SLC8A1: variants seen among roughly 807,000 people sequenced by gnomAD.
SLC8A1 encodes solute carrier family 8 member A1.
SLC8A1 carries 18 observed loss-of-function variants against 68.3 expected under a neutral mutation model. The observed-to-expected ratio is 0.26, with a 90% confidence interval of 0.18 to 0.39. The LOEUF (loss-of-function observed/expected upper bound fraction) is 0.39. SLC8A1 is among the 10% of genes least tolerant of loss of function. SLC8A1 has a pLI of 1.00. For synonymous variants in SLC8A1, 475 were observed against 415.5 expected, an observed-to-expected ratio of 1.14 and a Z score of -1.74; for missense variants, 985 against 1,156.7, an observed-to-expected ratio of 0.85 and a Z score of 2.15.
chr2:40,431,845 G>A (rs1398756353), intron 1 of SLC8A1, among the ~76,000 whole-genome samples: 1 of 152,058 alleles, frequency 6.6e-6, no homozygotes, highest in Non-Finnish European at 1.5e-5. Flanking sequence ...GTGCCCAGGA[G>A]AACACCGCTG....
At chr2:40,329,590 T>C (rs981155199) in intron 2 of SLC8A1, among the ~76,000 whole-genome samples, 4 of 152,338 alleles carry the variant, frequency 2.6e-5, no homozygotes, top group African/African-American at 9.6e-5. Context: ...ATGATTTTTC[T>C]TTCCAATCAG....
At chr2:40,361,093 A>C (rs908729307) in intron 2 of SLC8A1, among the ~76,000 whole-genome samples, 1 of 152,156 alleles carries the variant, frequency 6.6e-6, no homozygotes, top group Non-Finnish European at 1.5e-5. Flanking sequence ...AGGTGAAGAA[A>C]GGGACTTAGT....
chr2:40,146,203 C>T (rs916488583), intron 6 of SLC8A1, among the ~76,000 whole-genome samples: 3 of 152,252 alleles, frequency 2.0e-5, no homozygotes, highest in African/African-American at 4.8e-5. Context: ...CCAACTGAAA[C>T]GTGGGTCTTA....
chr2:40,339,549 C>A (rs1234500000), intron 2 of SLC8A1, among the ~76,000 whole-genome samples: 1 of 152,174 alleles, frequency 6.6e-6, no homozygotes, highest in Non-Finnish European at 1.5e-5. Context: ...AAGATAGTAA[C>A]TGAAGTACAA....
intron 1 of SLC8A1, among the ~76,000 whole-genome samples, chr2:40,506,104 CTTTTT>C (rs34231209): frequency 2.3e-5 from 3 of 132,158 alleles, no homozygotes; most frequent in Non-Finnish European, 1.7e-5. Flanking sequence ...TTCATAGATC[CTTTTT>C]TTTTTTTTTT....
At chr2:40,451,445 G>C (rs947016604) in intron 1 of SLC8A1, among the ~76,000 whole-genome samples, 3 of 152,204 alleles carry the variant, frequency 2.0e-5, no homozygotes, top group African/African-American at 7.2e-5. Flanking sequence ...CTTGGGGAAA[G>C]ACCCCAGGGA....
At chr2:40,420,094 A>G (rs968861023) in intron 2 of SLC8A1, among the ~76,000 whole-genome samples, 1 of 152,178 alleles carries the variant, frequency 6.6e-6, no homozygotes, top group African/African-American at 2.4e-5. Flanking sequence ...AGGATTCAGA[A>G]ATAAGAATGA....
At position 40,416,026 on chromosome 2, in the gene SLC8A1, G is replaced by A. The variant is rs115621364; in HGVS notation, c.1808+12447C>T. Among the ~76,000 whole-genome samples, 1,116 of 149,358 alleles carry A rather than the reference G, an allele frequency of 7.5e-3. 10 individuals carry two copies. Among genetic ancestry groups the A allele is most frequent in the African/African-American group, 0.026 (1,058 of 40,390 alleles). Reference sequence around the variant, plus strand: ...AGATCACGCCACTGCACTTAAGCCTGGGTGACAGATTGAGCGAGGCTCTGT... The same window carrying A: ...AGATCACGCCACTGCACTTAAGCCTAGGTGACAGATTGAGCGAGGCTCTGT... On this transcript the variant is annotated intron_variant, in intron 2 of 7. Coordinates refer to ENST00000406785, the Ensembl canonical transcript of SLC8A1.
At chr2:40,387,035 T>C (rs1271367945) in intron 2 of SLC8A1, among the ~76,000 whole-genome samples, 2 of 151,332 alleles carry the variant, frequency 1.3e-5, no homozygotes, top group Non-Finnish European at 2.9e-5. Context: ...AGAGATCAAA[T>C]TGTACATGAG....
At chr2:40,422,506 T>G (rs1228224434) in intron 2 of SLC8A1, among the ~76,000 whole-genome samples, 2 of 152,122 alleles carry the variant, frequency 1.3e-5, no homozygotes, top group Non-Finnish European at 2.9e-5. Context: ...CTTCCCTTGG[T>G]TAATGGTGTC....
chr2:40,214,643 T>A (rs2057170929), intron 2 of SLC8A1, among the ~76,000 whole-genome samples: 1 of 151,964 alleles, frequency 6.6e-6, no homozygotes, highest in South Asian at 2.1e-4. Context: ...GACACGGGGT[T>A]TCGCCAGGCT....
intron 2 of SLC8A1, among the ~76,000 whole-genome samples, chr2:40,425,490 G>A (rs888852902): frequency 2.6e-5 from 4 of 151,722 alleles, no homozygotes; most frequent in African/African-American, 9.7e-5. Flanking sequence ...TTAAATTTAG[G>A]CTTTTCCAGG....
At chr2:40,340,416 C>A (rs1013273946) in intron 2 of SLC8A1, among the ~76,000 whole-genome samples, 1 of 152,136 alleles carries the variant, frequency 6.6e-6, no homozygotes, top group African/African-American at 2.4e-5. Context: ...CAAAAATTAG[C>A]TGGGCATGGT....
At chr2:40,459,702 C>A (rs1703231417) in intron 1 of SLC8A1, among the ~76,000 whole-genome samples, 1 of 152,148 alleles carries the variant, frequency 6.6e-6, no homozygotes, top group African/African-American at 2.4e-5. Flanking sequence ...GGTGGGTGAA[C>A]CTCTTGCCAC....
upstream of SLC8A1, among the ~76,000 whole-genome samples, chr2:40,452,938 CCT>C (rs377359109): frequency 1.9e-4 from 29 of 152,184 alleles, no homozygotes; most frequent in East Asian, 5.4e-3. Context: ...TGGGAAAAAA[CCT>C]AATGCAGCAA....
chr2:40,373,062 C>G (rs1678669114), intron 2 of SLC8A1, among the ~76,000 whole-genome samples: 1 of 152,036 alleles, frequency 6.6e-6, no homozygotes. Context: ...ATGTCCTAGC[C>G]ATAAATTGAA....
intron 1 of SLC8A1, among the ~76,000 whole-genome samples, chr2:40,488,803 C>T (rs1264839000): frequency 1.3e-5 from 2 of 151,936 alleles, no homozygotes; most frequent in Non-Finnish European, 2.9e-5. Flanking sequence ...GTGTTTATGT[C>T]TTATAATTCT....
intron 7 of SLC8A1, among the ~76,000 whole-genome samples, chr2:40,126,223 G>A (rs1380223632): frequency 6.6e-6 from 1 of 152,178 alleles, no homozygotes. Flanking sequence ...AACTCTCAGG[G>A]CTGCTGTGGG....
intron 2 of SLC8A1, among the ~76,000 whole-genome samples, chr2:40,362,852 G>A (rs1006445061): frequency 6.6e-6 from 1 of 152,056 alleles, no homozygotes; most frequent in East Asian, 1.9e-4. Flanking sequence ...AACTGAACTT[G>A]TACTTCTGTG....
Sources: allele counts gnomAD v4.1 joint callset (sites outside exome capture counted in the v4.1 genomes callset), GRCh38; gene constraint gnomAD v4.1.1; transcripts MANE v1.5; gene names NCBI Gene and HGNC (gene_info 2026-07-23, HGNC 2026-07-21).